Variants in PLPPR3 observed in about 807,000 individuals in gnomAD.
PLPPR3 encodes phospholipid phosphatase related 3.
In PLPPR3, 14 loss-of-function variants were observed where a neutral mutation model predicts 27.3. The ratio of observed to expected loss-of-function variants is 0.51; its 90% CI spans 0.34 to 0.80. PLPPR3 has a LOEUF of 0.80. Ranked by LOEUF, PLPPR3 falls within the 30% of genes least tolerant of loss-of-function variation. The pLI is 0.01. For missense variants in PLPPR3, 1,287 were observed against 1,056.9 expected (o/e 1.22, Z -3.02); for synonymous variants, 671 against 508.0 (o/e 1.32, Z -4.32).
chr19:818,208 C>T (rs1333813781), intron 2 of PLPPR3, among the ~76,000 whole-genome samples: 1 of 152,022 alleles, frequency 6.6e-6, no homozygotes, highest in African/African-American at 2.4e-5. Context: ...CATGGTGAAA[C>T]CCCATCTCTA....
intron 2 of PLPPR3, among the ~76,000 whole-genome samples, chr19:819,770 C>T (rs78984815): frequency 1.3e-5 from 2 of 152,114 alleles, no homozygotes; most frequent in Non-Finnish European, 2.9e-5. Flanking sequence ...ACTAGGGTCC[C>T]GTCTTCCATC....
upstream of PLPPR3, among the ~76,000 whole-genome samples, chr19:823,457 A>AAAAAAAAC (rs2035179450): frequency 1.2e-4 from 17 of 136,390 alleles, no homozygotes; most frequent in Middle Eastern, 3.5e-3. Flanking sequence ...AAAAAAAAAA[A>AAAAAAAAC]ACAAACAAAC....
At position 821,644 on chromosome 19, in the gene PLPPR3, G is replaced by A. The variant is rs1332858744; in HGVS notation, c.-26-59C>T. On this transcript the variant is annotated intron_variant, in intron 1 of 7. Coordinates refer to ENST00000520876, the MANE Select transcript of PLPPR3 (RefSeq NM_001270366.2). ...CGCAGGCGGAGCCCGGGGGAGACAC[G>A]GTGGCCGGCGCCGGCGGGGGAGGGG... The A allele has an allele frequency of 4.0e-6, 4 of 1,011,160 alleles. No individual in the cohort carries two copies. The South Asian group carries it at 7.9e-5, about 20-fold the overall frequency. 62.6% of individuals were successfully genotyped at this position (1,011,160 alleles called of 1,614,324 possible). A position where few individuals can be genotyped will look rare whatever the true frequency, so the allele number is the denominator to read the frequency against.
chr19:814,593 C>T lies in PLPPR3; in HGVS notation c.672G>A (p.Ser224=), dbSNP rs757690257. The part of the protein sequence containing the change: ...AAVYVSMYFN[S]VISDTTKLLK... The stretch of plus-strand genomic sequence containing the variant: ...GCAGCTTGGTGGTGTCCGAGATGAC[C>T]GAGTTGAAGTACATCTGGGGCATGG... The change falls in exon 7 of 8, where the codon TCG becomes TCA. Residue 224 remains serine (S), a synonymous_variant. Transcript: ENST00000520876. The T allele has an allele frequency of 8.0e-5, 129 of 1,611,954 alleles. No homozygotes were observed. The highest frequency in any genetic ancestry group is 9.1e-5 in the Non-Finnish European group (107 of 1,179,996).
chr19:814,219 C>A (rs1426319942), intron 7 of PLPPR3, among the ~76,000 whole-genome samples: 2 of 149,890 alleles, frequency 1.3e-5, no homozygotes. Context: ...CCCATGCCTC[C>A]CCCCTCAGAC....
Position 813,013 on chromosome 19 carries a change from G to C in PLPPR3, c.1714C>G (p.Pro572Ala), listed in dbSNP as rs769001148. ...ATGCTGGCGGAGTCGCGGTCCGACG[G>C]CGACCGGTACTGCGAGGAGTCGGAG... ...ASSDSSQYRS[P>A]SDRDSASIVT... is the part of the protein sequence containing the mutation. Residue 572 changes from proline (P) to alanine (A), a missense_variant, in exon 8 of 8, where the codon CCG becomes GCG. Coordinates refer to ENST00000520876, the MANE Select transcript of PLPPR3 (RefSeq NM_001270366.2). This position sits in a 1 kb window ranked among gnomAD's most constrained non-coding sequence, Gnocchi z 4.1. 3 of 1,518,616 alleles carry C rather than the reference G, an allele frequency of 2.0e-6. No homozygotes were observed. The highest frequency in any genetic ancestry group is 2.7e-5 in the East Asian group (1 of 37,442). The allele number at this position is 1,518,616 out of a possible 1,614,324, so 94.1% of individuals were successfully genotyped here. A position where few individuals can be genotyped will look rare whatever the true frequency, so the allele number is the denominator to read the frequency against.
At chr19:821,666 G>C (rs2035148618) in intron 1 of PLPPR3, 81 bp from the exon 2 acceptor site, 1 of 704,486 alleles carries the variant, frequency 1.4e-6, no homozygotes, top group South Asian at 2.5e-5. Flanking sequence ...CGGCGGGGGA[G>C]GGGCGGTCGG....
At chr19:814,181 C>G (rs999386598) in intron 7 of PLPPR3, among the ~76,000 whole-genome samples, 3 of 151,724 alleles carry the variant, frequency 2.0e-5, no homozygotes, top group South Asian at 2.1e-4. Flanking sequence ...CCTGGGCACC[C>G]GTGCCTCCCC....
At chr19:815,580 C>T in intron 3 of PLPPR3, 86 bp downstream of exon 3, 1 of 1,369,620 alleles carries the variant, frequency 7.3e-7, no homozygotes, top group East Asian at 2.5e-5. Flanking sequence ...CGACAGGCCC[C>T]AGTGTGGATG....
At chr19:816,267 C>T (rs1467833656) in intron 2 of PLPPR3, among the ~76,000 whole-genome samples, 2 of 150,594 alleles carry the variant, frequency 1.3e-5, no homozygotes, top group Non-Finnish European at 3.0e-5. Flanking sequence ...TCTGTCCATC[C>T]ATCCATCCAT....
chr19:819,591 G>C (rs1042307525), intron 2 of PLPPR3, among the ~76,000 whole-genome samples: 9 of 152,060 alleles, frequency 5.9e-5, no homozygotes, highest in Non-Finnish European at 1.0e-4. Context: ...TGCCCGTCCT[G>C]CAACAGGAAT....
intron 2 of PLPPR3, among the ~76,000 whole-genome samples, chr19:816,849 CCATT>C (rs202075975): frequency 6.6e-6 from 1 of 151,586 alleles, no homozygotes; most frequent in Non-Finnish European, 1.5e-5. Context: ...ATTCATCTAT[CCATT>C]CATCCATCCA....
rs1039906943 is a variant in PLPPR3, at chr19:813,908, G to C, written c.832-13C>G. ...CCGCGTGGCAGGCCTGTCGGGGAGA[G>C]GGGTCTGGGGGTGAGGCCTGGGGCT... On this transcript the variant is annotated splice_polypyrimidine_tract_variant and intron_variant, in intron 7 of 7. Transcript: ENST00000520876. The surrounding 1 kb of genome is among the most constrained non-coding windows in gnomAD (Gnocchi z 4.1). The C allele has an allele frequency of 7.0e-7, 1 of 1,422,198 alleles. No individual in the cohort carries two copies. The highest frequency in any genetic ancestry group is 1.5e-5 in the African/African-American group (1 of 67,278). The allele number at this position is 1,422,198 out of a possible 1,614,324, so 88.1% of individuals were successfully genotyped here. A position where few individuals can be genotyped will look rare whatever the true frequency, so the allele number is the denominator to read the frequency against.
At chr19:814,369 C>A in intron 7 of PLPPR3, 65 bp downstream of exon 7, 1 of 1,482,334 alleles carries the variant, frequency 6.7e-7, no homozygotes, top group Admixed American at 1.9e-5. Context: ...CCTGTGGGCA[C>A]TCATGCCTCC....
chr19:813,644 CG>C lies in PLPPR3; in HGVS notation c.1082del (p.Pro361ArgfsTer11). On this transcript the variant is annotated frameshift_variant, in exon 8 of 8. Transcript: ENST00000520876. LOFTEE classifies it low-confidence loss of function (END_TRUNC). The surrounding 1 kb of genome is among the most constrained non-coding windows in gnomAD (Gnocchi z 4.1). ...RASVDVDLLA[P>X]RSPMAKENMV... The stretch of plus-strand genomic sequence containing the variant: ...TGTTCTCCTTGGCCATGGGGCTGCG[CG>C]GGGCCAGCAGGTCCACGTCCACGCT... The C allele has an allele frequency of 6.5e-7, 1 of 1,538,804 alleles. No individual in the cohort carries two copies. Among genetic ancestry groups the C allele is most frequent in the South Asian group, 1.2e-5 (1 of 83,934 alleles).
chr19:823,449 A>AAAAAAAAAAAAAAAC (rs2035177988), upstream of PLPPR3, among the ~76,000 whole-genome samples: 6 of 141,834 alleles, frequency 4.2e-5, no homozygotes, highest in African/African-American at 2.9e-5. Flanking sequence ...CTCAAAAAAA[A>AAAAAAAAAAAAAAAC]AAAAAAAAAC....
chr19:818,776 G>A (rs574887917), intron 2 of PLPPR3, among the ~76,000 whole-genome samples: 2 of 151,986 alleles, frequency 1.3e-5, no homozygotes, highest in South Asian at 4.2e-4. Flanking sequence ...CTCATGATCC[G>A]CCCACCTAGG....
Position 812,517 on chromosome 19 carries a change from C to T in PLPPR3, c.*53G>A, listed in dbSNP as rs1449752267. Reference sequence around the variant, plus strand: ...TTTCTGCCGCTTTATTGAGCATCCGCGCGGCCGCCCGCGCCCTCGGCCCGC... The same window carrying T: ...TTTCTGCCGCTTTATTGAGCATCCGTGCGGCCGCCCGCGCCCTCGGCCCGC... On this transcript the variant is annotated 3_prime_UTR_variant, in exon 8 of 8. Transcript: ENST00000520876. 11 of 988,294 alleles carry T rather than the reference C, an allele frequency of 1.1e-5. No individual in the cohort carries two copies. The highest frequency in any genetic ancestry group is 3.6e-6 in the Non-Finnish European group (3 of 831,578). 61.2% of individuals were successfully genotyped at this position (988,294 alleles called of 1,614,324 possible).
Position 812,769 on chromosome 19 carries a change from A to G in PLPPR3, c.1958T>C (p.Phe653Ser). 8 of 1,082,160 alleles carry G rather than the reference A, an allele frequency of 7.4e-6. No individual in the cohort carries two copies. The highest frequency in any genetic ancestry group is 9.0e-6 in the Non-Finnish European group (8 of 891,524). 67.0% of individuals were successfully genotyped at this position (1,082,160 alleles called of 1,614,324 possible). ...VSDVDQEEPR[F>S]GAVATVNLAT... ...CAGGTTGACGGTGGCCACGGCCCCG[A>G]ACCGCGGCTCCTCCTGGTCCACGTC... The change falls in exon 8 of 8, where the codon TTC (phenylalanine) becomes TCC (serine). Residue 653 changes from phenylalanine (F) to serine (S), a missense_variant. Physicochemically the swap from Phe to Ser is radical, Grantham distance 155 (BLOSUM62 -2). Coordinates refer to ENST00000520876, the MANE Select transcript of PLPPR3 (RefSeq NM_001270366.2).
Sources: allele counts gnomAD v4.1 joint callset (sites outside exome capture counted in the v4.1 genomes callset), GRCh38; gene constraint gnomAD v4.1.1; non-coding constraint Gnocchi (gnomAD v3.1); transcripts MANE v1.5; gene names NCBI Gene and HGNC (gene_info 2026-07-23, HGNC 2026-07-21).